The following STPG2 variants were observed in gnomAD, a reference collection of about 807,000 sequenced individuals.
STPG2 encodes the protein sperm-tail PG-rich repeat-containing protein 2.
A neutral mutation model predicts 54.2 loss-of-function variants in STPG2; 56 were observed. That is an observed-to-expected ratio of 1.03 (90% confidence interval 0.83 to 1.29). The LOEUF is 1.29. Ranked by LOEUF, STPG2 falls within the 50% of genes most tolerant of loss-of-function variation. STPG2 has a pLI of 0.00. For synonymous variants in STPG2, 200 were observed against 181.8 expected (o/e 1.10, Z -0.81); for missense variants, 596 against 544.9 (o/e 1.09, Z -0.93).
rs147309840 is a variant in STPG2 at position 97,445,626 on chromosome 4, C to A, written c.463-257793G>T. 6.5e-3 allele frequency among the ~76,000 whole-genome samples: 991 copies of A among 152,230 alleles called. 5 individuals carry two copies. Among genetic ancestry groups the A allele is most frequent in the Non-Finnish European group, 9.9e-3 (674 of 68,000 alleles). ...TAGACTTACAGCACATTGCAGTTTG[C>A]AATAGCCATATTCCAAGTGCCAAAT... On this transcript the variant is annotated intron_variant, in intron 4 of 4. Coordinates refer to the STPG2 transcript ENST00000522676.
chr4:97,778,649 G>A (rs895624304), intron 9 of STPG2, among the ~76,000 whole-genome samples: 1 of 152,180 alleles, frequency 6.6e-6, no homozygotes, highest in East Asian at 1.9e-4. Flanking sequence ...GTGGGTCCCT[G>A]ACCCCCGAGT....
chr4:97,929,727 T>A (rs1732471575), intron 8 of STPG2, among the ~76,000 whole-genome samples: 2 of 152,292 alleles, frequency 1.3e-5, no homozygotes, highest in South Asian at 4.1e-4. Context: ...TGGGGTTTTG[T>A]TTTACTCTTG....
chr4:97,745,317 T>C (rs2149041052), intron 9 of STPG2, among the ~76,000 whole-genome samples: 1 of 150,142 alleles, frequency 6.7e-6, no homozygotes, highest in African/African-American at 2.4e-5. Context: ...TAAATCAAAT[T>C]CAAATCAATA....
chr4:97,994,317 G>A (rs1220614204), intron 5 of STPG2, among the ~76,000 whole-genome samples: 1 of 152,166 alleles, frequency 6.6e-6, no homozygotes, highest in African/African-American at 2.4e-5. Flanking sequence ...TTATTCCACT[G>A]TGGTCTGAGA....
At chr4:97,755,075 A>G (rs1725688679) in intron 9 of STPG2, among the ~76,000 whole-genome samples, 1 of 152,174 alleles carries the variant, frequency 6.6e-6, no homozygotes, top group Non-Finnish European at 1.5e-5. Flanking sequence ...GCTTATCTTC[A>G]AACTTCAACA....
At position 97,717,890 on chromosome 4, in the gene STPG2, C is replaced by T. The variant is rs188442462; in HGVS notation, c.1205-5076G>A. 5.6e-4 allele frequency among the ~76,000 whole-genome samples: 85 copies of T among 152,110 alleles called. 4 individuals are homozygous for T. The South Asian group carries it at 0.014, about 25-fold the overall frequency. Reference sequence around the variant, plus strand: ...AAATAATAAAATATGAAGTTGTCTTCGAGGTAAACAGAATACTTCACAATT... The same window carrying T: ...AAATAATAAAATATGAAGTTGTCTTTGAGGTAAACAGAATACTTCACAATT... On this transcript the variant is annotated intron_variant, in intron 9 of 10. Transcript: ENST00000295268.
At chr4:97,509,231 C>CT (rs904964312) in intron 4 of STPG2, among the ~76,000 whole-genome samples, 41 of 147,014 alleles carry the variant, frequency 2.8e-4, no homozygotes, top group Admixed American at 2.7e-4. Context: ...AAGAATTTGA[C>CT]TTTTTTTTTT....
At chr4:97,546,453 G>T (rs1731835397) in intron 4 of STPG2, among the ~76,000 whole-genome samples, 1 of 152,120 alleles carries the variant, frequency 6.6e-6, no homozygotes, top group Non-Finnish European at 1.5e-5. Context: ...AATAAGATTG[G>T]CAGACATTGT....
intron 5 of STPG2, among the ~76,000 whole-genome samples, chr4:98,010,688 GGTT>G (rs1735717742): frequency 6.6e-6 from 1 of 151,858 alleles, no homozygotes. Flanking sequence ...ATTTTTTTCT[GGTT>G]GTTTTGTAGA....
chr4:97,624,562 C>T (rs1433529797), intron 10 of STPG2, among the ~76,000 whole-genome samples: 1 of 152,154 alleles, frequency 6.6e-6, no homozygotes, highest in East Asian at 1.9e-4. Context: ...AAATTTCTCC[C>T]ATTCTGTAGG....
At chr4:98,136,797 C>T (rs1740147495) in intron 1 of STPG2, among the ~76,000 whole-genome samples, 1 of 151,312 alleles carries the variant, frequency 6.6e-6, no homozygotes, top group Admixed American at 6.6e-5. Flanking sequence ...AGGTAGACTG[C>T]AATAAATTAG....
chr4:97,812,897 A>AT (rs1727786397), intron 9 of STPG2, among the ~76,000 whole-genome samples: 1 of 152,172 alleles, frequency 6.6e-6, no homozygotes, highest in African/African-American at 2.4e-5. Context: ...CCAAAACAGA[A>AT]TATCTTTCTC....
intron 4 of STPG2, among the ~76,000 whole-genome samples, chr4:97,459,563 C>T (rs1191403912): frequency 2.0e-5 from 3 of 151,788 alleles, no homozygotes; most frequent in Admixed American, 6.6e-5. Context: ...CCTCAGCCTC[C>T]CCAGTAGCTG....
At chr4:97,874,326 C>A (rs1011840830) in intron 8 of STPG2, among the ~76,000 whole-genome samples, 2 of 151,566 alleles carry the variant, frequency 1.3e-5, no homozygotes, top group Non-Finnish European at 3.0e-5. Flanking sequence ...ACATCAATTT[C>A]TCTTATCTCC....
chr4:97,923,701 C>T (rs907894608), intron 8 of STPG2, among the ~76,000 whole-genome samples: 3 of 152,152 alleles, frequency 2.0e-5, no homozygotes, highest in Non-Finnish European at 4.4e-5. Context: ...TGTGAATGCA[C>T]CAATCGGCAC....
chr4:97,630,803 A>G (rs1172731746), intron 10 of STPG2, among the ~76,000 whole-genome samples: 1 of 151,894 alleles, frequency 6.6e-6, no homozygotes, highest in Non-Finnish European at 1.5e-5. Context: ...AATCTAAAAA[A>G]TCATTTAAAA....
rs78769875 is a variant in STPG2 at position 98,024,386 on chromosome 4, C to T, written c.613-43068G>A. Among the ~76,000 whole-genome samples the T allele has an allele frequency of 1.6e-4, 25 of 152,246 alleles. No homozygotes were observed. In the East Asian group the frequency reaches 4.3e-3, roughly 26 times the overall value. ...GTGGATAGCTACCCAACTGGAACAC[C>T]TATTATTTACATAACACCCTTCCAT... On this transcript the variant is annotated intron_variant, in intron 5 of 10. Transcript: ENST00000295268.
intron 4 of STPG2, among the ~76,000 whole-genome samples, chr4:97,493,233 A>G (rs1730538950): frequency 6.6e-6 from 1 of 151,308 alleles, no homozygotes; most frequent in Non-Finnish European, 1.5e-5. Flanking sequence ...ACCCTGAGGA[A>G]AAAGCAAAAC....
intron 9 of STPG2, among the ~76,000 whole-genome samples, chr4:97,782,584 A>C (rs396363): frequency 6.6e-6 from 1 of 152,234 alleles, no homozygotes; most frequent in African/African-American, 2.4e-5. Flanking sequence ...AACTACTTTA[A>C]AGTTCATGTG....
Sources: gnomAD v4.1 joint callset for allele counts (sites outside exome capture counted in the v4.1 genomes callset) on GRCh38, gnomAD v4.1.1 for gene constraint, MANE v1.5 for transcripts, NCBI Gene and HGNC (gene_info 2026-07-23, HGNC 2026-07-21) for gene names.